The following TULP3 variants were observed in gnomAD, a reference collection of about 807,000 sequenced individuals.
The protein encoded by TULP3 is tubby-related protein 3.
A neutral mutation model predicts 50.7 loss-of-function variants in TULP3; 38 were observed. The observed-to-expected ratio is 0.75, with a 90% CI of 0.58 to 0.98. The LOEUF is 0.98. TULP3 is among the 50% of genes least tolerant of loss of function. The pLI is 0.00. For synonymous variants in TULP3, 183 were observed against 196.6 expected (o/e 0.93, Z 0.58); for missense variants, 550 against 568.0 (o/e 0.97, Z 0.32).
chr12:2,924,952 C>T (rs148381148), intron 4 of TULP3, among the ~76,000 whole-genome samples: 251 of 152,168 alleles, frequency 1.6e-3, no homozygotes, highest in African/African-American at 5.2e-3. Context: ...CCGACACGGG[C>T]GGATCACAAG....
Position 2,931,052 on chromosome 12 carries a change from G to T in TULP3, c.508G>T (p.Gly170Cys). Residue 170 changes from glycine to cysteine, a missense_variant, in exon 6 of 11, where the codon GGT becomes TGT. Gly to Cys is a radical substitution (Grantham distance 159, BLOSUM62 -3). Transcript: ENST00000448120. ...SQNSTDTGTS[G>C]SATAAQPADN... ...GTCCTTTCAGGATACAGGCACTTCCGGTTCTGCTACTGCCGCCCAACCAGC... is the reference window on the plus strand; with the variant it reads ...GTCCTTTCAGGATACAGGCACTTCCTGTTCTGCTACTGCCGCCCAACCAGC... 6.2e-7 allele frequency: 1 copy of T among 1,614,072 alleles called. No homozygotes were observed. Among genetic ancestry groups the T allele is most frequent in the Non-Finnish European group, 8.5e-7 (1 of 1,180,018 alleles).
At position 2,938,101 on chromosome 12, in the gene TULP3, TC is replaced by T. The variant is rs748594788; in HGVS notation, c.1024-10del. On this transcript the variant is annotated splice_polypyrimidine_tract_variant and intron_variant, in intron 9 of 10. Coordinates refer to ENST00000448120, the MANE Select transcript of TULP3 (RefSeq NM_003324.5). ...AGTTCTCAGTACAAAGTAATGATTT[TC>T]CCTTTGGACAGAACCATGACAGTTT... 6.2e-7 allele frequency: 1 copy of T among 1,614,086 alleles called. No individual in the cohort carries two copies. Among genetic ancestry groups the T allele is most frequent in the Admixed American group, 1.7e-5 (1 of 59,990 alleles).
chr12:2,914,980 G>A (rs1178536646), intron 2 of TULP3, among the ~76,000 whole-genome samples: 1 of 149,856 alleles, frequency 6.7e-6, no homozygotes, highest in Non-Finnish European at 1.5e-5. Context: ...GCTGCAGAAT[G>A]GATTTTCTTT....
rs778794989 is a variant in TULP3 at position 2,934,434 on chromosome 12, C to T, written c.810-13C>T. Reference sequence around the variant, plus strand: ...ATACAGATCATCATGGTGACTTTTTCTCCTGACTCCAGATCCAACCTCATG... The same window carrying T: ...ATACAGATCATCATGGTGACTTTTTTTCCTGACTCCAGATCCAACCTCATG... On this transcript the variant is annotated splice_polypyrimidine_tract_variant and intron_variant, in intron 7 of 10. Coordinates refer to ENST00000448120, the MANE Select transcript of TULP3 (RefSeq NM_003324.5). 6 of 1,530,618 alleles carry T rather than the reference C, an allele frequency of 3.9e-6. No individual in the cohort carries two copies. In the Admixed American group the frequency reaches 1.3e-4, roughly 33 times the overall value. The allele number at this position is 1,530,618 out of a possible 1,614,324, so 94.8% of individuals were successfully genotyped here.
intron 1 of TULP3, among the ~76,000 whole-genome samples, chr12:2,898,236 C>G (rs1320977383): frequency 1.3e-5 from 2 of 152,126 alleles, no homozygotes; most frequent in Non-Finnish European, 2.9e-5. Context: ...TTAAGTTGTA[C>G]TGGGAACTGT....
intron 10 of TULP3, among the ~76,000 whole-genome samples, chr12:2,938,876 G>A (rs958701187): frequency 4.6e-5 from 7 of 152,266 alleles, no homozygotes; most frequent in Middle Eastern, 3.4e-3. Flanking sequence ...TCTAGCCTGC[G>A]GAGTTTATGA....
At chr12:2,938,993 G>A (rs1362435853) in intron 10 of TULP3, among the ~76,000 whole-genome samples, 1 of 152,158 alleles carries the variant, frequency 6.6e-6, no homozygotes, top group Non-Finnish European at 1.5e-5. Context: ...TTGGGAGGCC[G>A]AGGCAGGAGA....
intron 2 of TULP3, among the ~76,000 whole-genome samples, chr12:2,913,158 G>A (rs2098186593): frequency 6.6e-6 from 1 of 151,080 alleles, no homozygotes; most frequent in African/African-American, 2.4e-5. Flanking sequence ...GTATCTCATT[G>A]TAGTTTTGAT....
chr12:2,915,618 C>T (rs1816873665), intron 2 of TULP3, among the ~76,000 whole-genome samples: 1 of 150,960 alleles, frequency 6.6e-6, no homozygotes, highest in Non-Finnish European at 1.5e-5. Context: ...AGCTCAGGCT[C>T]ACTGCAACCT....
intron 2 of TULP3, among the ~76,000 whole-genome samples, chr12:2,917,812 G>A (rs1188322115): frequency 6.6e-6 from 1 of 151,750 alleles, no homozygotes; most frequent in African/African-American, 2.4e-5. Context: ...GGGAGGCGGA[G>A]CTTGCAGTGA....
chr12:2,910,302 T>C (rs1408354353), intron 2 of TULP3, among the ~76,000 whole-genome samples: 2 of 151,890 alleles, frequency 1.3e-5, no homozygotes. Context: ...CCCCATCGCA[T>C]AGAGAATAAT....
intron 1 of TULP3, among the ~76,000 whole-genome samples, chr12:2,904,068 C>T (rs921625836): frequency 6.6e-6 from 1 of 152,186 alleles, no homozygotes; most frequent in African/African-American, 2.4e-5. Context: ...AAGCGTGAGC[C>T]ACCGTGCCTG....
chr12:2,937,763 T>C, intron 9 of TULP3, 34 bp downstream of exon 9: 1 of 1,482,836 alleles, frequency 6.7e-7, no homozygotes, highest in South Asian at 1.2e-5. Flanking sequence ...AGTGAAAGAC[T>C]CTAAAAGACA....
Position 2,940,269 on chromosome 12 carries a change from A to G in TULP3, c.*825A>G, listed in dbSNP as rs2098203901. On this transcript the variant is annotated 3_prime_UTR_variant, in exon 11 of 11. Transcript: ENST00000448120. Reference sequence around the variant, plus strand: ...ACACACACCTGTAGGCATCCTGTGCAAACACTTTGTCATTATCAAGAGAGA... The same window carrying G: ...ACACACACCTGTAGGCATCCTGTGCGAACACTTTGTCATTATCAAGAGAGA... The G allele has an allele frequency of 1.4e-6, 2 of 1,401,916 alleles. No individual in the cohort carries two copies. Among genetic ancestry groups the G allele is most frequent in the Non-Finnish European group, 1.9e-6 (2 of 1,063,098 alleles). 86.8% of individuals were successfully genotyped at this position (1,401,916 alleles called of 1,614,324 possible).
intron 1 of TULP3, among the ~76,000 whole-genome samples, chr12:2,902,391 C>G (rs2098179781): frequency 6.6e-6 from 1 of 152,234 alleles, no homozygotes; most frequent in African/African-American, 2.4e-5. Flanking sequence ...TATCCTGCTG[C>G]TTTCCTGGCA....
chr12:2,937,200 A>ATTTTTTTTTTTTTTT (rs771074689), intron 8 of TULP3, among the ~76,000 whole-genome samples: 3 of 54,446 alleles, frequency 5.5e-5, no homozygotes, highest in Non-Finnish European at 6.2e-5. Context: ...GGTACACCTG[A>ATTTTTTTTTTTTTTT]TTTTTTTTTT....
intron 2 of TULP3, among the ~76,000 whole-genome samples, chr12:2,912,222 C>G (rs1040451573): frequency 6.6e-6 from 1 of 152,200 alleles, no homozygotes; most frequent in Non-Finnish European, 1.5e-5. Flanking sequence ...GTCAGTTGGC[C>G]TCAGTCATTT....
At chr12:2,922,477 G>A (rs1197899450) in intron 4 of TULP3, 75 bp downstream of exon 4, 1 of 1,545,484 alleles carries the variant, frequency 6.5e-7, no homozygotes, top group African/African-American at 1.4e-5. Context: ...TTTCATTGTG[G>A]GTAACAATCT....
In TULP3 at chr12:2,940,608, G is replaced by T; in HGVS notation, c.*1164G>T. The T allele has an allele frequency of 1.3e-6, 2 of 1,551,756 alleles. No individual in the cohort carries two copies. The highest frequency in any genetic ancestry group is 4.9e-5 in the East Asian group (2 of 40,930). On this transcript the variant is annotated 3_prime_UTR_variant, in exon 11 of 11. Transcript: ENST00000448120. The stretch of plus-strand genomic sequence containing the variant: ...CATTCAGCTGCATCCCTTGTGCACA[G>T]AACTGTTTGCCAGCGTTGGGTGGGA...
Sources: allele counts gnomAD v4.1 joint callset (sites outside exome capture counted in the v4.1 genomes callset), GRCh38; gene constraint gnomAD v4.1.1; transcripts MANE v1.5; gene names NCBI Gene and HGNC (gene_info 2026-07-23, HGNC 2026-07-21).